NPRL3: variants seen among roughly 807,000 people sequenced by gnomAD.
The protein encoded by NPRL3 is NPR3 like, GATOR1 complex subunit.
Under a neutral mutation model 57.2 loss-of-function variants are expected in NPRL3, and 23 were observed. That is an observed-to-expected ratio of 0.40 (90% confidence interval 0.29 to 0.57). NPRL3 has a LOEUF of 0.57. Among genes scored for constraint, NPRL3 ranks in the 20% least tolerant of loss-of-function variants. The pLI is 0.42. For synonymous variants in NPRL3, 333 were observed against 321.1 expected (o/e 1.04, Z -0.39); for missense variants, 691 against 767.1 (o/e 0.90, Z 1.17).
At chr16:109,138 T>A (rs1171515820) in intron 7 of NPRL3, among the ~76,000 whole-genome samples, 2 of 152,100 alleles carry the variant, frequency 1.3e-5, no homozygotes, top group South Asian at 2.1e-4. Context: ...AGATATTTTT[T>A]AAAAATTTTT....
At chr16:90,227 C>CCCCA in intron 11 of NPRL3, 1 of 337,398 alleles carries the variant, frequency 3.0e-6, no homozygotes, top group South Asian at 3.6e-5. Flanking sequence ...TGAGCAAACC[C>CCCCA]CCCACCCTGT....
intron 7 of NPRL3, among the ~76,000 whole-genome samples, chr16:107,077 T>C (rs1287804846): frequency 2.0e-5 from 3 of 152,096 alleles, no homozygotes; most frequent in Non-Finnish European, 4.4e-5. Flanking sequence ...GGGTGGGAGT[T>C]TGGATGGAGG....
intron 7 of NPRL3, among the ~76,000 whole-genome samples, chr16:100,839 CG>C (rs756676810): frequency 3.4e-4 from 51 of 149,722 alleles, no homozygotes; most frequent in Middle Eastern, 3.4e-3. Context: ...GGTGTGGTGG[CG>C]GGCGCCTGTA....
chr16:117,543 A>G (rs1464538548), intron 4 of NPRL3, among the ~76,000 whole-genome samples, 168 bp from the exon 5 acceptor site: 1 of 152,252 alleles, frequency 6.6e-6, no homozygotes, highest in Non-Finnish European at 1.5e-5. Flanking sequence ...GGGCAAAGTC[A>G]CAACTATGAC....
rs750469155 is a variant in NPRL3, at chr16:138,287, C to T, written c.-20G>A. ...CCGCATCCCGCCGTGGGGCCGGGGC[C>T]GGGGGCGGAGGGGGCCAGAGGAGGA... On this transcript the variant is annotated 5_prime_UTR_variant, in exon 2 of 14. Coordinates refer to ENST00000611875, the MANE Select transcript of NPRL3 (RefSeq NM_001077350.3). 5 of 1,571,526 alleles carry T rather than the reference C, an allele frequency of 3.2e-6. No individual in the cohort carries two copies. The highest frequency in any genetic ancestry group is 4.3e-6 in the Non-Finnish European group (5 of 1,160,118).
rs373761767 is a variant in NPRL3 at position 130,560 on chromosome 16, G to C, written c.150C>G (p.Asn50Lys). ...SKPRSRYAAS[N>K]TGDHADEQDG... ...CCTGCTCATCAGCATGGTCGCCCGT[G>C]TTGCTGGCAGCGTATCTGCTACGCG... The change falls in exon 3 of 14, where the codon AAC becomes AAG. Residue 50 changes from asparagine to lysine, a missense_variant. By Grantham distance (94) the Asn-to-Lys change is moderately conservative. Coordinates refer to ENST00000611875, the MANE Select transcript of NPRL3 (RefSeq NM_001077350.3). 5 of 1,555,232 alleles carry C rather than the reference G, an allele frequency of 3.2e-6. No individual in the cohort carries two copies. Among genetic ancestry groups the C allele is most frequent in the Non-Finnish European group, 4.4e-6 (5 of 1,149,142 alleles).
chr16:117,228 G>A lies in NPRL3; in HGVS notation c.393+73C>T, dbSNP rs1049219769. 1.7e-5 allele frequency: 18 copies of A among 1,076,650 alleles called. 1 individual carries two copies. The highest frequency in any genetic ancestry group is 1.4e-4 in the African/African-American group (9 of 63,688). 66.7% of individuals were successfully genotyped at this position (1,076,650 alleles called of 1,614,324 possible). On this transcript the variant is annotated intron_variant, in intron 5 of 13. Coordinates refer to ENST00000611875, the MANE Select transcript of NPRL3 (RefSeq NM_001077350.3). ...AGTCCAAGCTCCGAGTCAATGACAC[G>A]CTCGTTGGAAAAAAAGAGCTGCTTC... is the stretch of plus-strand genomic sequence containing the variant.
intron 2 of NPRL3, among the ~76,000 whole-genome samples, chr16:131,915 T>G (rs181391542): frequency 2.6e-5 from 4 of 152,182 alleles, no homozygotes; most frequent in Non-Finnish European, 4.4e-5. Flanking sequence ...ACTAAGTTTA[T>G]ATAATATTCG....
At chr16:118,015 C>T (rs1212798878) in intron 4 of NPRL3, among the ~76,000 whole-genome samples, 20 of 152,222 alleles carry the variant, frequency 1.3e-4, no homozygotes, top group Non-Finnish European at 2.5e-4. Context: ...GGTGTGACCG[C>T]GGGCAGGCTG....
At chr16:89,264 G>A (rs982669580) in intron 12 of NPRL3, 17 of 279,732 alleles carry the variant, frequency 6.1e-5, no homozygotes, top group Non-Finnish European at 8.1e-5. Context: ...CCTCAGCCAA[G>A]GGGGGACTTT....
chr16:88,935 AC>A (rs1898632358), intron 12 of NPRL3, 45 bp from the exon 13 acceptor site: 3 of 1,568,962 alleles, frequency 1.9e-6, no homozygotes, highest in Non-Finnish European at 2.6e-6. Context: ...ATTCCAGGAC[AC>A]CCAGGGGAAC....
chr16:123,362 G>A (rs1357222157), intron 3 of NPRL3: 2 of 384,150 alleles, frequency 5.2e-6, no homozygotes, highest in South Asian at 3.9e-5. Context: ...GGCATTCATG[G>A]GGGAACTGGG....
At chr16:112,196 C>T (rs989236129) in intron 6 of NPRL3, among the ~76,000 whole-genome samples, 5 of 152,176 alleles carry the variant, frequency 3.3e-5, no homozygotes, top group African/African-American at 7.2e-5. Flanking sequence ...CCTATGTGAA[C>T]GGTGATCATG....
At position 94,470 on chromosome 16, in the gene NPRL3, CTGAG is replaced by C. The variant is rs553006667; in HGVS notation, c.925-1149_925-1146del. On this transcript the variant is annotated intron_variant, in intron 9 of 13. Coordinates refer to ENST00000611875, the MANE Select transcript of NPRL3 (RefSeq NM_001077350.3). ...CAGCTCAGAAAACAGGGCCTCCAGACTGAGTGAGTGGCTCATGCCTGTAGTCCCA... is the reference window on the plus strand; with the variant it reads ...CAGCTCAGAAAACAGGGCCTCCAGACTGAGTGGCTCATGCCTGTAGTCCCA... Among the ~76,000 whole-genome samples the C allele has an allele frequency of 1.3e-3, 193 of 152,348 alleles. 1 individual carries two copies. The highest frequency in any genetic ancestry group is 4.5e-3 in the African/African-American group (187 of 41,592).
chr16:109,332 T>A (rs150964008), intron 7 of NPRL3, among the ~76,000 whole-genome samples: 16 of 152,248 alleles, frequency 1.1e-4, no homozygotes, highest in African/African-American at 2.6e-4. Context: ...GAGGTTTTCA[T>A]GGTATCCTCA....
chr16:99,303 G>A (rs1899164230), intron 8 of NPRL3, among the ~76,000 whole-genome samples: 2 of 152,182 alleles, frequency 1.3e-5, no homozygotes, highest in Admixed American at 6.5e-5. Flanking sequence ...TGGGGGACTT[G>A]GGAACAGGTG....
chr16:106,629 TAAAAAAAAAAAA>T (rs763058746), intron 7 of NPRL3, among the ~76,000 whole-genome samples: 7 of 60,052 alleles, frequency 1.2e-4, no homozygotes, highest in Admixed American at 2.8e-4. Flanking sequence ...TGCCTTAAAT[TAAAAAAAAAAAA>T]AAAAAAAAAA....
intron 2 of NPRL3, among the ~76,000 whole-genome samples, chr16:132,086 G>C (rs1900838819): frequency 6.6e-6 from 1 of 151,088 alleles, no homozygotes; most frequent in Non-Finnish European, 1.5e-5. Context: ...GTTCACTACA[G>C]TCTTGACCTC....
chr16:121,041 G>T (rs760768391), intron 3 of NPRL3, among the ~76,000 whole-genome samples: 1 of 152,034 alleles, frequency 6.6e-6, no homozygotes, highest in Non-Finnish European at 1.5e-5. Context: ...ACTCCAGAAA[G>T]GTCCCTTGCT....
Sources: gnomAD v4.1 joint callset for allele counts (sites outside exome capture counted in the v4.1 genomes callset) on GRCh38, gnomAD v4.1.1 for gene constraint, MANE v1.5 for transcripts, NCBI Gene and HGNC (gene_info 2026-07-23, HGNC 2026-07-21) for gene names.